The following YTHDF1 variants were observed in gnomAD, a reference collection of about 807,000 sequenced individuals.
YTHDF1 encodes the protein YTH domain-containing family protein 1.
In YTHDF1, 16 loss-of-function variants were observed where a neutral mutation model predicts 49.1. The observed-to-expected ratio is 0.33, with a 90% CI of 0.22 to 0.49. The LOEUF (loss-of-function observed/expected upper bound fraction) is 0.49, where lower values mean the gene tolerates loss of function less well. YTHDF1 is among the 20% of genes least tolerant of loss of function. The pLI is 0.99. For synonymous variants in YTHDF1, 313 were observed against 290.1 expected, an observed-to-expected ratio of 1.08 and a Z score of -0.80; for missense variants, 621 against 744.3, an observed-to-expected ratio of 0.83 and a Z score of 1.93.
At chr20:63,210,427 CTTTCCT>C (rs2066568660) in intron 3 of YTHDF1, among the ~76,000 whole-genome samples, 1 of 152,182 alleles carries the variant, frequency 6.6e-6, no homozygotes, top group African/African-American at 2.4e-5. Flanking sequence ...ATTTCACAGT[CTTTCCT>C]TTCAGAAAAC....
intron 3 of YTHDF1, among the ~76,000 whole-genome samples, chr20:63,207,242 A>G (rs1286774730): frequency 6.6e-6 from 1 of 151,524 alleles, no homozygotes; most frequent in East Asian, 2.0e-4. Context: ...GCTGAGGTGG[A>G]CGGATCACAA....
intron 3 of YTHDF1, among the ~76,000 whole-genome samples, chr20:63,213,456 G>A (rs1199054632): frequency 1.3e-5 from 2 of 152,122 alleles, no homozygotes; most frequent in Admixed American, 1.3e-4. Flanking sequence ...AAACCCAGGC[G>A]GCCTCTGGCT....
intron 4 of YTHDF1, among the ~76,000 whole-genome samples, chr20:63,201,695 T>G (rs963688958): frequency 6.6e-6 from 1 of 152,244 alleles, no homozygotes; most frequent in African/African-American, 2.4e-5. Flanking sequence ...CCATTTTCTT[T>G]ACGACCTAGA....
intron 3 of YTHDF1, among the ~76,000 whole-genome samples, chr20:63,206,037 A>G (rs73919076): frequency 0.01 from 1,514 of 145,436 alleles, 23 homozygotes; most frequent in African/African-American, 0.035. Context: ...TGAGCGAATC[A>G]GGGGGGCGGT....
intron 3 of YTHDF1, among the ~76,000 whole-genome samples, chr20:63,212,332 G>A (rs528878984): frequency 6.6e-6 from 1 of 152,224 alleles, no homozygotes; most frequent in Non-Finnish European, 1.5e-5. Flanking sequence ...GTAGGAGGGA[G>A]GGGGATGAAG....
rs925431898 is a variant in YTHDF1 at position 63,203,952 on chromosome 20, G to A, written c.133-145C>T. ...TCCTTCCAGAAAGAAAGCTGTAGTC[G>A]CCAATGTGAGAACCAAATCAAGACA... On this transcript the variant is annotated intron_variant, in intron 3 of 4. Transcript: ENST00000370339. The surrounding 1 kb of genome is among the most constrained non-coding windows in gnomAD (Gnocchi z 4.4). 8.3e-6 allele frequency: 6 copies of A among 725,404 alleles called. No individual in the cohort carries two copies. Among genetic ancestry groups the A allele is most frequent in the Admixed American group, 3.1e-5 (1 of 32,736 alleles). 44.9% of individuals were successfully genotyped at this position (725,404 alleles called of 1,614,324 possible).
At chr20:63,211,172 C>A (rs1449071406) in intron 3 of YTHDF1, among the ~76,000 whole-genome samples, 2 of 152,174 alleles carry the variant, frequency 1.3e-5, no homozygotes, top group East Asian at 3.9e-4. Flanking sequence ...CTTTTAAGTA[C>A]CCAGGGTTAG....
intron 4 of YTHDF1, among the ~76,000 whole-genome samples, chr20:63,199,770 T>C (rs2066509208): frequency 6.6e-6 from 1 of 151,832 alleles, no homozygotes; most frequent in Admixed American, 6.6e-5. Flanking sequence ...GCTTAAAAGA[T>C]ATTTGACGCC....
At position 63,202,880 on chromosome 20, in the gene YTHDF1, C is replaced by G. The variant is rs776874764; in HGVS notation, c.1060G>C (p.Val354Leu). The change falls in exon 4 of 5, where the codon GTC (valine) becomes CTC (leucine). Residue 354 changes from valine to leucine, a missense_variant. Coordinates refer to ENST00000370339, the MANE Select transcript of YTHDF1 (RefSeq NM_017798.4). ...ACGCTGGGGGCAGAATTAGGCTGGA[C>G]GTTTCCAGGAGAGTTGCTATCGCTG... Reference protein sequence around the residue: ...AGSDSNSPGNVQPNSAPSVES... With the variant: ...AGSDSNSPGNLQPNSAPSVES... 4.3e-6 allele frequency: 7 copies of G among 1,613,898 alleles called. No homozygotes were observed. The South Asian group carries it at 7.7e-5, about 18-fold the overall frequency.
At chr20:63,215,643 G>T (rs1362054297) in intron 1 of YTHDF1, 42 bp from the exon 2 acceptor site, 1 of 1,583,564 alleles carries the variant, frequency 6.3e-7, no homozygotes. Context: ...ACACAACCCG[G>T]GGGAAGAGGG....
rs1006278225 is a variant in YTHDF1, at chr20:63,195,608, G to C, written c.*1100C>G. 6.6e-6 allele frequency: 1 copy of C among 152,550 alleles called. No individual in the cohort carries two copies. The highest frequency in any genetic ancestry group is 2.4e-5 in the African/African-American group (1 of 41,414). The allele number at this position is 152,550 out of a possible 1,614,324, so 9.4% of individuals were successfully genotyped here. ...TTTTGGAGCAAGTAGTTTTCAGAAA[G>C]CGTCTGCTCTCTAGGACGGTAAGGA... is the stretch of plus-strand genomic sequence containing the variant. On this transcript the variant is annotated 3_prime_UTR_variant, in exon 5 of 5. Coordinates refer to ENST00000370339, the MANE Select transcript of YTHDF1 (RefSeq NM_017798.4).
Position 63,202,825 on chromosome 20 carries a change from T to C in YTHDF1, c.1115A>G (p.Lys372Arg). 1 of 1,614,014 alleles carries C rather than the reference T, an allele frequency of 6.2e-7. No individual in the cohort carries two copies. Among genetic ancestry groups the C allele is most frequent in the Non-Finnish European group, 8.5e-7 (1 of 1,180,054 alleles). The change falls in exon 4 of 5, where the codon AAG (lysine) becomes AGG (arginine). Residue 372 changes from lysine (K) to arginine (R), a missense_variant. By Grantham distance (26) the Lys-to-Arg change is conservative (BLOSUM62 2). Around this residue, in one of 2 missense-constraint regions of YTHDF1, gnomAD observed 470 missense variants for 495.8 expected, o/e 0.95. Coordinates refer to ENST00000370339, the MANE Select transcript of YTHDF1 (RefSeq NM_017798.4). The stretch of plus-strand genomic sequence containing the variant: ...TTTCGGGTTGTAGCTGTGAGCAGCC[T>C]TCAGTTTTTCAAGGACGGGGTGGGA... ...VESHPVLEKL[K>R]AAHSYNPKEF...
chr20:63,196,639 G>A lies in YTHDF1; in HGVS notation c.*69C>T. 1 of 1,596,686 alleles carries A rather than the reference G, an allele frequency of 6.3e-7. No individual in the cohort carries two copies. On this transcript the variant is annotated 3_prime_UTR_variant, in exon 5 of 5. Transcript: ENST00000370339. ...CCGCACGGGACGACACACTGGAGCT[G>A]ACCAAGCACACGTGTTTTAAACTGT...
intron 3 of YTHDF1, among the ~76,000 whole-genome samples, chr20:63,212,301 C>G (rs2122991952): frequency 6.6e-6 from 1 of 152,308 alleles, no homozygotes; most frequent in South Asian, 2.1e-4. Context: ...GGTCTCTAAG[C>G]TGCTTGATTC....
At chr20:63,204,586 C>T (rs767782777) in intron 3 of YTHDF1, among the ~76,000 whole-genome samples, 28 of 152,360 alleles carry the variant, frequency 1.8e-4, no homozygotes, top group Non-Finnish European at 2.6e-4. Context: ...CTCTGTGCTC[C>T]GGGTGCAGAG....
chr20:63,212,200 G>T (rs1431924410), intron 3 of YTHDF1, among the ~76,000 whole-genome samples: 1 of 152,228 alleles, frequency 6.6e-6, no homozygotes, highest in Non-Finnish European at 1.5e-5. Context: ...AGGAAGGGCA[G>T]ATTCTCAGAA....
rs1015585932 is a variant in YTHDF1, at chr20:63,203,041, T to G, written c.899A>C (p.Gln300Pro). 5 of 1,606,706 alleles carry G rather than the reference T, an allele frequency of 3.1e-6. No homozygotes were observed. In the Admixed American group the frequency reaches 5.0e-5, roughly 16 times the overall value. ...PSPQAAPQPQ[Q>P]VAQPLPAQPP... The stretch of plus-strand genomic sequence containing the variant: ...CTGTGCTGGGAGAGGCTGAGCCACC[T>G]GCTGGGGCTGTGGGGCAGCCTGTGG... The change falls in exon 4 of 5, where the codon CAG (glutamine) becomes CCG (proline). Residue 300 changes from glutamine to proline, a missense_variant. Gln to Pro is a moderately conservative substitution (Grantham distance 76). Around this residue, in one of 2 missense-constraint regions of YTHDF1, gnomAD observed 470 missense variants for 495.8 expected, o/e 0.95. Coordinates refer to ENST00000370339, the MANE Select transcript of YTHDF1 (RefSeq NM_017798.4). This position sits in a 1 kb window ranked among gnomAD's most constrained non-coding sequence, Gnocchi z 4.4.
In YTHDF1 at chr20:63,196,339, G is replaced by A. The variant is rs73317686; in HGVS notation, c.*369C>T. The A allele has an allele frequency of 5.3e-3, 917 of 172,390 alleles. 7 individuals carry two copies. Among genetic ancestry groups the A allele is most frequent in the African/African-American group, 0.021 (877 of 42,344 alleles). The allele number at this position is 172,390 out of a possible 1,614,324, so 10.7% of individuals were successfully genotyped here. ...GACAAAATGACTCATGGTTTCTTAT[G>A]TTTGCTAAAAAGCAATAAAGGGATG... On this transcript the variant is annotated 3_prime_UTR_variant, in exon 5 of 5. Transcript: ENST00000370339.
In YTHDF1 at chr20:63,202,908, A is replaced by G. The variant is rs1166424367; in HGVS notation, c.1032T>C (p.Ala344=). 10 of 1,613,886 alleles carry G rather than the reference A, an allele frequency of 6.2e-6. No homozygotes were observed. Among genetic ancestry groups the G allele is most frequent in the Non-Finnish European group, 8.5e-6 (10 of 1,180,062 alleles). Residue 344 remains alanine, a synonymous_variant, in exon 4 of 5, where the codon GCT becomes GCC. Coordinates refer to ENST00000370339, the MANE Select transcript of YTHDF1 (RefSeq NM_017798.4). ...RNAAFGQSGG[A]GSDSNSPGNV... ...TTCCAGGAGAGTTGCTATCGCTGCC[A>G]GCCCCTCCGCTCTGCCCAAACGCCG... is the stretch of plus-strand genomic sequence containing the variant.
Sources: gnomAD v4.1 joint callset for allele counts (sites outside exome capture counted in the v4.1 genomes callset) on GRCh38, gnomAD v4.1.1 for gene constraint, gnomAD v4.1.1 regional missense constraint, Gnocchi (gnomAD v3.1) non-coding constraint, MANE v1.5 for transcripts, NCBI Gene and HGNC (gene_info 2026-07-23, HGNC 2026-07-21) for gene names.